Variants in CADPS2 observed in about 807,000 individuals in gnomAD.
The protein encoded by CADPS2 is calcium-dependent secretion activator 2.
CADPS2 carries 93 observed loss-of-function variants against 172.5 expected under a neutral mutation model. The observed-to-expected ratio is 0.54, with a 90% CI of 0.46 to 0.64. The LOEUF is 0.64. Among genes scored for constraint, CADPS2 ranks in the 30% least tolerant of loss-of-function variants. CADPS2 has a pLI of 0.00. For synonymous variants in CADPS2, 546 were observed against 555.2 expected, an observed-to-expected ratio of 0.98 and a Z score of 0.23; for missense variants, 1,420 against 1,565.9, an observed-to-expected ratio of 0.91 and a Z score of 1.57.
intron 1 of CADPS2, among the ~76,000 whole-genome samples, chr7:122,759,001 G>GA (rs398040103): frequency 0.44 from 63,070 of 144,524 alleles, 15,324 homozygotes; most frequent in African/African-American, 0.69. Flanking sequence ...CTTATTTCAG[G>GA]AAAAAAAAAA....
intron 20 of CADPS2, among the ~76,000 whole-genome samples, chr7:122,402,643 T>C (rs1026225979): frequency 1.1e-4 from 16 of 152,304 alleles, no homozygotes; most frequent in South Asian, 2.1e-4. Context: ...CTAACTAATG[T>C]CTCCATTAGT....
chr7:122,610,151 T>TAA lies in CADPS2; in HGVS notation c.1223+5028_1223+5029dup, dbSNP rs71161311. On this transcript the variant is annotated intron_variant, in intron 6 of 29. Coordinates refer to ENST00000449022, the MANE Select transcript of CADPS2 (RefSeq NM_017954.11). The stretch of plus-strand genomic sequence containing the variant: ...ACAAATTTCCTTATAGAAAGAGTAA[T>TAA]AAAAAAAAAAAAGAGCACTGGGGGC... 1.7e-3 allele frequency among the ~76,000 whole-genome samples: 247 copies of TAA among 145,018 alleles called. 1 individual carries two copies. Among genetic ancestry groups the TAA allele is most frequent in the Middle Eastern group, 0.01 (3 of 288 alleles).
chr7:122,836,151 A>C (rs1808344233), intron 1 of CADPS2, among the ~76,000 whole-genome samples: 1 of 152,204 alleles, frequency 6.6e-6, no homozygotes, highest in African/African-American at 2.4e-5. Context: ...AACAATTTTC[A>C]ACCCAGAATT....
chr7:122,375,305 A>G (rs898735770), intron 25 of CADPS2, among the ~76,000 whole-genome samples: 1 of 152,150 alleles, frequency 6.6e-6, no homozygotes, highest in African/African-American at 2.4e-5. Flanking sequence ...AAAATCTATT[A>G]CAAAGCTAAA....
chr7:122,635,520 A>C (rs2076986589), intron 3 of CADPS2, among the ~76,000 whole-genome samples: 1 of 150,864 alleles, frequency 6.6e-6, no homozygotes, highest in Non-Finnish European at 1.5e-5. Context: ...ATGAGTGAGA[A>C]TATGTGGTGT....
rs17144256 is a variant in CADPS2, at chr7:122,341,715, G to A, written c.3612+3859C>T. On this transcript the variant is annotated intron_variant, in intron 28 of 29. Coordinates refer to ENST00000449022, the MANE Select transcript of CADPS2 (RefSeq NM_017954.11). ...CACTTATCTTCTCTGAGTGGGAGATGTTTTAACCTAAAAATAGGGATAAAA... is the reference window on the plus strand; with the variant it reads ...CACTTATCTTCTCTGAGTGGGAGATATTTTAACCTAAAAATAGGGATAAAA... 1.0e-3 allele frequency among the ~76,000 whole-genome samples: 154 copies of A among 152,262 alleles called. 1 individual carries two copies. The East Asian group carries it at 0.02, about 20-fold the overall frequency.
chr7:122,551,941 G>A (rs1402989806), intron 8 of CADPS2, among the ~76,000 whole-genome samples: 1 of 152,104 alleles, frequency 6.6e-6, no homozygotes, highest in Non-Finnish European at 1.5e-5. Context: ...CATTGATGAA[G>A]TACCTCAGAA....
intron 15 of CADPS2, among the ~76,000 whole-genome samples, chr7:122,449,325 G>A (rs1357846404): frequency 6.6e-6 from 1 of 151,704 alleles, no homozygotes; most frequent in African/African-American, 2.4e-5. Context: ...TTTTTTGTTT[G>A]TTTTTGTTTT....
intron 14 of CADPS2, among the ~76,000 whole-genome samples, chr7:122,453,889 G>A (rs2053438113): frequency 6.6e-6 from 1 of 152,162 alleles, no homozygotes; most frequent in African/African-American, 2.4e-5. Context: ...GTTATACAGA[G>A]TGAAGGACCA....
chr7:122,761,751 T>C (rs1246974071), intron 1 of CADPS2, among the ~76,000 whole-genome samples: 3 of 151,544 alleles, frequency 2.0e-5, no homozygotes, highest in Non-Finnish European at 2.9e-5. Context: ...TCCCAGCACT[T>C]TGGGAGGCTG....
At chr7:122,859,211 A>C (rs970965168) in intron 1 of CADPS2, among the ~76,000 whole-genome samples, 1 of 152,226 alleles carries the variant, frequency 6.6e-6, no homozygotes, top group African/African-American at 2.4e-5. Flanking sequence ...ATGTTAAAGA[A>C]AAATATCCCA....
In CADPS2 at chr7:122,430,907, AAGAGAACTATG is replaced by A. The variant is rs140646444; in HGVS notation, c.2476+7423_2476+7433del. Among the ~76,000 whole-genome samples the A allele has an allele frequency of 4.3e-3, 653 of 152,344 alleles. 6 individuals carry two copies. The highest frequency in any genetic ancestry group is 0.015 in the African/African-American group (622 of 41,576). ...CAATGGAAGAGAACTATGATGATGGAAGAGAACTATGAGTCACAATTAAGCAGCACACTGAA... is the reference window on the plus strand; with the variant it reads ...CAATGGAAGAGAACTATGATGATGGAAGTCACAATTAAGCAGCACACTGAA... On this transcript the variant is annotated intron_variant, in intron 17 of 29. Coordinates refer to ENST00000449022, the MANE Select transcript of CADPS2 (RefSeq NM_017954.11).
intron 17 of CADPS2, among the ~76,000 whole-genome samples, chr7:122,434,321 A>G: frequency 6.6e-6 from 1 of 152,082 alleles, no homozygotes; most frequent in Non-Finnish European, 1.5e-5. Flanking sequence ...TCTGGGGTCA[A>G]ATATTGAAAA....
chr7:122,883,205 T>C (rs1823410209), intron 1 of CADPS2, among the ~76,000 whole-genome samples: 1 of 152,194 alleles, frequency 6.6e-6, no homozygotes, highest in Admixed American at 6.5e-5. Context: ...TAAATAACAC[T>C]GCTGCTCAGT....
At chr7:122,719,848 C>A (rs2090153628) in intron 2 of CADPS2, among the ~76,000 whole-genome samples, 2 of 151,870 alleles carry the variant, frequency 1.3e-5, no homozygotes, top group Non-Finnish European at 1.5e-5. Flanking sequence ...ATGGCTTTAT[C>A]AAAATCTTGC....
intron 17 of CADPS2, among the ~76,000 whole-genome samples, chr7:122,434,130 G>A (rs2050334907): frequency 6.6e-6 from 1 of 152,202 alleles, no homozygotes; most frequent in African/African-American, 2.4e-5. Flanking sequence ...AATGCCTTAA[G>A]AGGTTTGAAA....
At chr7:122,599,350 A>C (rs1255842100) in intron 6 of CADPS2, among the ~76,000 whole-genome samples, 2 of 152,102 alleles carry the variant, frequency 1.3e-5, no homozygotes, top group African/African-American at 4.8e-5. Context: ...CAAGGGCTCA[A>C]ACCAAGGGGC....
intron 3 of CADPS2, among the ~76,000 whole-genome samples, chr7:122,631,592 A>C (rs1199511163): frequency 6.6e-6 from 1 of 152,130 alleles, no homozygotes; most frequent in Non-Finnish European, 1.5e-5. Context: ...TTTTTTAAAA[A>C]ATAATTAATG....
intron 2 of CADPS2, among the ~76,000 whole-genome samples, chr7:122,697,289 T>C (rs1004107593): frequency 5.3e-5 from 8 of 152,052 alleles, no homozygotes; most frequent in African/African-American, 1.7e-4. Flanking sequence ...ATGCCAAGAA[T>C]GCAAAAGAAA....
Sources: allele counts gnomAD v4.1 joint callset (sites outside exome capture counted in the v4.1 genomes callset), GRCh38; gene constraint gnomAD v4.1.1; transcripts MANE v1.5; gene names NCBI Gene and HGNC (gene_info 2026-07-23, HGNC 2026-07-21).